PCOLCE2: variants seen among roughly 807,000 people sequenced by gnomAD.
PCOLCE2 encodes procollagen C-proteinase enhancer 2.
In PCOLCE2, 42 loss-of-function variants were observed where a neutral mutation model predicts 47.0. The ratio of observed to expected loss-of-function variants is 0.89; its 90% confidence interval spans 0.70 to 1.16. The LOEUF (loss-of-function observed/expected upper bound fraction) is 1.16, where lower values mean the gene tolerates loss of function less well. Among genes scored for constraint, PCOLCE2 ranks in the 50% most tolerant of loss-of-function variants. The pLI is 0.00. For synonymous variants in PCOLCE2, 169 were observed against 191.7 expected, an observed-to-expected ratio of 0.88 and a Z score of 0.98; for missense variants, 500 against 526.1, an observed-to-expected ratio of 0.95 and a Z score of 0.49.
intron 2 of PCOLCE2, among the ~76,000 whole-genome samples, chr3:142,849,286 T>A (rs373442920): frequency 1.4e-4 from 22 of 152,344 alleles, no homozygotes; most frequent in African/African-American, 5.1e-4. Flanking sequence ...TAATTCATTT[T>A]GGGTCCTGAA....
chr3:142,884,936 C>T (rs1190973306), intron 2 of PCOLCE2, among the ~76,000 whole-genome samples: 2 of 152,154 alleles, frequency 1.3e-5, no homozygotes, highest in Non-Finnish European at 2.9e-5. Flanking sequence ...GCTAGTATGA[C>T]TAAGAAACTA....
At chr3:142,864,143 A>G (rs1019153890) in intron 2 of PCOLCE2, 1 of 152,262 alleles carries the variant, frequency 6.6e-6, no homozygotes, top group Non-Finnish European at 1.5e-5. Flanking sequence ...AATTACGTTC[A>G]AACATGCCTG....
At position 142,831,042 on chromosome 3, in the gene PCOLCE2, G is replaced by A. The variant is rs141474771; in HGVS notation, c.711-1196C>T. Among the ~76,000 whole-genome samples the A allele has an allele frequency of 5.9e-5, 9 of 152,328 alleles. No individual in the cohort carries two copies. The East Asian group carries it at 1.7e-3, about 29-fold the overall frequency. ...TTTTCCGTCCTGAATATAACCTTCT[G>A]AGCCAGGGGATGAGATGAATCAAAA... On this transcript the variant is annotated intron_variant, in intron 5 of 8. Coordinates refer to ENST00000295992, the MANE Select transcript of PCOLCE2 (RefSeq NM_013363.4).
At position 142,842,798 on chromosome 3, in the gene PCOLCE2, T is replaced by C; in HGVS notation, c.573+126A>G. On this transcript the variant is annotated intron_variant, in intron 4 of 8. Coordinates refer to ENST00000295992, the MANE Select transcript of PCOLCE2 (RefSeq NM_013363.4). The surrounding 1 kb of genome is among the most constrained non-coding windows in gnomAD (Gnocchi z 4.1). Reference sequence around the variant, plus strand: ...GAAGAAATACCTGTGTCCAGGAACCTTCCTCTTCTTGTATCCCTTAGCTCT... The same window carrying C: ...GAAGAAATACCTGTGTCCAGGAACCCTCCTCTTCTTGTATCCCTTAGCTCT... The C allele has an allele frequency of 1.1e-6, 1 of 888,820 alleles. No individual in the cohort carries two copies. Among genetic ancestry groups the C allele is most frequent in the Non-Finnish European group, 1.8e-6 (1 of 567,896 alleles). 55.1% of individuals were successfully genotyped at this position (888,820 alleles called of 1,614,324 possible).
rs572844640 is a variant in PCOLCE2 at position 142,886,593 on chromosome 3, A to G, written c.192+1076T>C. On this transcript the variant is annotated intron_variant, in intron 2 of 8. Coordinates refer to ENST00000295992, the MANE Select transcript of PCOLCE2 (RefSeq NM_013363.4). ...TAAGAGCTGAGTTTTATATTATGGA[A>G]GGGGACCTCTCATATCTGCCTGCAA... 2.0e-5 allele frequency among the ~76,000 whole-genome samples: 3 copies of G among 152,336 alleles called. No individual in the cohort carries two copies. The South Asian group carries it at 6.2e-4, about 32-fold the overall frequency.
chr3:142,849,609 C>G (rs1937367794), intron 2 of PCOLCE2, among the ~76,000 whole-genome samples: 1 of 152,144 alleles, frequency 6.6e-6, no homozygotes, highest in Admixed American at 6.5e-5. Flanking sequence ...TTTCCCAGTT[C>G]ATACCACCTT....
chr3:142,883,363 C>G (rs73232760), intron 2 of PCOLCE2, among the ~76,000 whole-genome samples: 28,926 of 151,996 alleles, frequency 0.19, 3,161 homozygotes, highest in South Asian at 0.27. Context: ...CCATATGCAG[C>G]CAAAGTCAAA....
intron 2 of PCOLCE2, among the ~76,000 whole-genome samples, chr3:142,882,192 G>A (rs1427945638): frequency 2.5e-5 from 3 of 121,844 alleles, no homozygotes; most frequent in Admixed American, 1.6e-4. Flanking sequence ...ACCACTCCTG[G>A]CTAATTTAAA....
chr3:142,824,443 G>A (rs1189722599), intron 6 of PCOLCE2, among the ~76,000 whole-genome samples: 2 of 152,116 alleles, frequency 1.3e-5, no homozygotes, highest in Non-Finnish European at 2.9e-5. Flanking sequence ...TTAACAACGT[G>A]AAAATAGTTC....
At chr3:142,863,621 T>G (rs930438716) in intron 2 of PCOLCE2, among the ~76,000 whole-genome samples, 2 of 151,826 alleles carry the variant, frequency 1.3e-5, no homozygotes, top group African/African-American at 2.4e-5. Context: ...AGGAAGAGGG[T>G]GTGGGAAGGG....
intron 6 of PCOLCE2, 146 bp downstream of exon 6, chr3:142,829,546 A>C (rs890319432): frequency 3.6e-6 from 2 of 560,802 alleles, no homozygotes; most frequent in African/African-American, 1.9e-5. Flanking sequence ...TTCTTTCATT[A>C]ATGCAGTCAT....
intron 2 of PCOLCE2, among the ~76,000 whole-genome samples, chr3:142,870,969 G>C (rs1479276640): frequency 6.6e-6 from 1 of 152,156 alleles, no homozygotes; most frequent in African/African-American, 2.4e-5. Flanking sequence ...ATTTGGAACA[G>C]CAATCTGCTG....
chr3:142,831,825 G>A lies in PCOLCE2; in HGVS notation c.711-1979C>T, dbSNP rs150631114. The stretch of plus-strand genomic sequence containing the variant: ...CCTTTTCTATGAATTAACCTTGGGG[G>A]TAGTATATTGGAAACTGAATTTTCT... On this transcript the variant is annotated intron_variant, in intron 5 of 8. Transcript: ENST00000295992. Among the ~76,000 whole-genome samples, 311 of 152,298 alleles carry A rather than the reference G, an allele frequency of 2.0e-3. 5 individuals carry two copies. Among genetic ancestry groups the A allele is most frequent in the Non-Finnish European group, 4.3e-4 (29 of 68,016 alleles).
rs540770335 is a variant in PCOLCE2 at position 142,823,349 on chromosome 3, C to A, written c.949+183G>T. ...TATGAAAAAAGTATATTTTCTAAATCCATATTTTTCTCAGTGGTGAAATCT... is the reference window on the plus strand; with the variant it reads ...TATGAAAAAAGTATATTTTCTAAATACATATTTTTCTCAGTGGTGAAATCT... On this transcript the variant is annotated intron_variant, in intron 7 of 8. Transcript: ENST00000295992. Among the ~76,000 whole-genome samples, 7 of 152,186 alleles carry A rather than the reference C, an allele frequency of 4.6e-5. No individual in the cohort carries two copies. The South Asian group carries it at 1.5e-3, about 32-fold the overall frequency.
In PCOLCE2 at chr3:142,848,216, C is replaced by T. The variant is rs776263625; in HGVS notation, c.448+1G>A. ...TTATTGCCATTATGTGGAAACAGTA[C>T]CTCTTTCGTTTGGTTCAGCAGCGGA... On this transcript the variant is annotated splice_donor_variant, in intron 3 of 8. Coordinates refer to ENST00000295992, the MANE Select transcript of PCOLCE2 (RefSeq NM_013363.4). LOFTEE classifies it high-confidence loss of function. 6.2e-7 allele frequency: 1 copy of T among 1,613,030 alleles called. No individual in the cohort carries two copies. The highest frequency in any genetic ancestry group is 8.5e-7 in the Non-Finnish European group (1 of 1,178,994).
At chr3:142,825,052 A>G (rs899190190) in intron 6 of PCOLCE2, among the ~76,000 whole-genome samples, 6 of 152,214 alleles carry the variant, frequency 3.9e-5, no homozygotes, top group Non-Finnish European at 7.3e-5. Context: ...TGCATTTTTA[A>G]AAAAGGGAGA....
At chr3:142,849,109 C>T (rs1014379733) in intron 2 of PCOLCE2, among the ~76,000 whole-genome samples, 7 of 151,436 alleles carry the variant, frequency 4.6e-5, no homozygotes, top group Non-Finnish European at 7.4e-5. Context: ...GCCGAGATCG[C>T]GCCACTGCAC....
intron 2 of PCOLCE2, among the ~76,000 whole-genome samples, chr3:142,853,304 A>C (rs1203154111): frequency 6.6e-6 from 1 of 151,828 alleles, no homozygotes; most frequent in Admixed American, 6.6e-5. Flanking sequence ...TTTCAAGGTC[A>C]CTCCCTCCTG....
chr3:142,870,869 T>C (rs922338875), intron 2 of PCOLCE2, among the ~76,000 whole-genome samples: 1 of 152,178 alleles, frequency 6.6e-6, no homozygotes, highest in Non-Finnish European at 1.5e-5. Flanking sequence ...CAGCTGCCAT[T>C]TGATGTTTCC....
Sources: allele counts gnomAD v4.1 joint callset (sites outside exome capture counted in the v4.1 genomes callset), GRCh38; gene constraint gnomAD v4.1.1; non-coding constraint Gnocchi (gnomAD v3.1); transcripts MANE v1.5; gene names NCBI Gene and HGNC (gene_info 2026-07-23, HGNC 2026-07-21).